ST18: variants seen among roughly 807,000 people sequenced by gnomAD.
The protein encoded by ST18 is suppression of tumorigenicity 18 protein.
A neutral mutation model predicts 110.0 loss-of-function variants in ST18; 50 were observed. The observed-to-expected ratio is 0.45, with a 90% confidence interval of 0.36 to 0.58. The LOEUF (loss-of-function observed/expected upper bound fraction) is 0.58. Ranked by LOEUF, ST18 falls within the 20% of genes least tolerant of loss-of-function variation. The probability of loss-of-function intolerance (pLI) is 0.00; values close to 1 mark genes in which losing one functional copy is unlikely to be tolerated. For synonymous variants in ST18, 461 were observed against 452.4 expected (o/e 1.02, Z -0.24); for missense variants, 1,306 against 1,280.1 (o/e 1.02, Z -0.31).
At chr8:52,125,271 A>G (rs2046557440) in intron 23 of ST18, among the ~76,000 whole-genome samples, 1 of 152,190 alleles carries the variant, frequency 6.6e-6, no homozygotes, top group South Asian at 2.1e-4. Context: ...ACCTTCCAGA[A>G]TCTCTATAAA....
intron 21 of ST18, among the ~76,000 whole-genome samples, chr8:52,132,382 A>G (rs1280701092): frequency 1.3e-5 from 2 of 152,220 alleles, no homozygotes; most frequent in East Asian, 3.8e-4. Flanking sequence ...CTGGGTAGAG[A>G]GTATTATTAT....
At chr8:52,258,525 T>A (rs2094590606) in intron 2 of ST18, among the ~76,000 whole-genome samples, 1 of 152,226 alleles carries the variant, frequency 6.6e-6, no homozygotes, top group Non-Finnish European at 1.5e-5. Context: ...TGTTTTATTC[T>A]TTTTTAAGCC....
intron 2 of ST18, among the ~76,000 whole-genome samples, chr8:52,401,322 C>T (rs7836423): frequency 0.016 from 2,469 of 152,172 alleles, 66 homozygotes; most frequent in African/African-American, 0.057. Context: ...TGGGTTGAAC[C>T]TGTTTGGAGA....
chr8:52,265,572 A>C (rs2094841809), intron 2 of ST18, among the ~76,000 whole-genome samples: 2 of 152,222 alleles, frequency 1.3e-5, no homozygotes, highest in Non-Finnish European at 2.9e-5. Flanking sequence ...AGTATGGTCT[A>C]TTCAGGAAAT....
intron 2 of ST18, among the ~76,000 whole-genome samples, chr8:52,242,211 T>C (rs189575190): frequency 6.6e-6 from 1 of 152,346 alleles, no homozygotes; most frequent in Admixed American, 6.5e-5. Flanking sequence ...AAAATAAATA[T>C]TACAGTGTGT....
At chr8:52,180,705 A>T (rs1417874872) in intron 8 of ST18, among the ~76,000 whole-genome samples, 1 of 152,180 alleles carries the variant, frequency 6.6e-6, no homozygotes, top group Non-Finnish European at 1.5e-5. Flanking sequence ...AAATCACAAG[A>T]TTTTTCAAAT....
At chr8:52,291,971 C>T (rs1055267387) in intron 2 of ST18, among the ~76,000 whole-genome samples, 3 of 152,096 alleles carry the variant, frequency 2.0e-5, no homozygotes, top group Admixed American at 6.5e-5. Context: ...GACGGGGTTT[C>T]ACCATGTTGC....
At position 52,169,959 on chromosome 8, in the gene ST18, CA is replaced by C. The variant is rs373504161; in HGVS notation, c.1069+1832del. Reference sequence around the variant, plus strand: ...ATTATATGTCCTGAATTTTTGAAAACAAAAAAAAAGAAGTTTCAAAAGCTCT... The same window carrying C: ...ATTATATGTCCTGAATTTTTGAAAACAAAAAAAAGAAGTTTCAAAAGCTCT... On this transcript the variant is annotated intron_variant, in intron 10 of 25. Coordinates refer to ENST00000689386, the MANE Select transcript of ST18 (RefSeq NM_001352837.2). 4.5e-3 allele frequency among the ~76,000 whole-genome samples: 668 copies of C among 149,838 alleles called. 5 individuals carry two copies. The highest frequency in any genetic ancestry group is 0.015 in the African/African-American group (628 of 40,898).
intron 7 of ST18, among the ~76,000 whole-genome samples, 164 bp downstream of exon 7, chr8:52,214,039 A>G (rs2083186160): frequency 6.6e-6 from 1 of 152,130 alleles, no homozygotes; most frequent in Non-Finnish European, 1.5e-5. Context: ...CGTTCATAAT[A>G]TTTTGCCTCT....
intron 22 of ST18, among the ~76,000 whole-genome samples, chr8:52,131,398 G>A (rs1297909645): frequency 1.3e-5 from 2 of 152,136 alleles, no homozygotes; most frequent in Non-Finnish European, 2.9e-5. Flanking sequence ...GACACTCGGT[G>A]GTAAAGGAAT....
At chr8:52,183,092 G>T (rs939093012) in intron 8 of ST18, among the ~76,000 whole-genome samples, 1 of 152,098 alleles carries the variant, frequency 6.6e-6, no homozygotes, top group African/African-American at 2.4e-5. Context: ...CAAAGCTCAC[G>T]TCCTCTCCTC....
intron 2 of ST18, among the ~76,000 whole-genome samples, chr8:52,377,443 T>C (rs971657101): frequency 3.3e-5 from 5 of 152,210 alleles, no homozygotes; most frequent in Non-Finnish European, 7.4e-5. Flanking sequence ...AGTGAAAAGA[T>C]AACATTTCAT....
intron 2 of ST18, among the ~76,000 whole-genome samples, chr8:52,270,613 A>G (rs1247185939): frequency 6.6e-6 from 1 of 152,222 alleles, no homozygotes; most frequent in African/African-American, 2.4e-5. Flanking sequence ...TGTAGTGATT[A>G]GTATACAATG....
rs1158213340 is a variant in ST18 at position 52,113,954 on chromosome 8, G to GTTTTTTTTTT, written c.3004-626_3004-617dup. On this transcript the variant is annotated intron_variant, in intron 25 of 25. Coordinates refer to ENST00000689386, the MANE Select transcript of ST18 (RefSeq NM_001352837.2). ...CAAAGTTTAAATTTATTCATACCGTGTTTTTTTTTTTTTTTTTTTTTTTTT... is the reference window on the plus strand; with the variant it reads ...CAAAGTTTAAATTTATTCATACCGTGTTTTTTTTTTTTTTTTTTTTTTTTTTTTTTTTTTT... Among the ~76,000 whole-genome samples the GTTTTTTTTTT allele has an allele frequency of 4.8e-3, 217 of 45,442 alleles. 79 individuals carry two copies. The highest frequency in any genetic ancestry group is 6.9e-3 in the Non-Finnish European group (184 of 26,492). 29.8% of individuals were successfully genotyped at this position (45,442 alleles called of 152,430 possible).
chr8:52,278,903 G>C (rs1052450467), intron 2 of ST18, among the ~76,000 whole-genome samples: 3 of 152,170 alleles, frequency 2.0e-5, no homozygotes, highest in Admixed American at 1.3e-4. Context: ...GTTGCCTCCT[G>C]CTGGAGGCAA....
chr8:52,286,614 A>G (rs1005157049), intron 2 of ST18, among the ~76,000 whole-genome samples: 2 of 152,018 alleles, frequency 1.3e-5, no homozygotes, highest in East Asian at 3.9e-4. Flanking sequence ...GGATATACTA[A>G]TAGGCACAGA....
chr8:52,290,898 G>C (rs1262945023), intron 2 of ST18, among the ~76,000 whole-genome samples: 1 of 152,068 alleles, frequency 6.6e-6, no homozygotes, highest in Admixed American at 6.5e-5. Flanking sequence ...TTAGGGCTTC[G>C]TACCAATCGT....
intron 2 of ST18, among the ~76,000 whole-genome samples, chr8:52,375,836 C>T (rs867075244): frequency 1.4e-5 from 2 of 146,982 alleles, no homozygotes; most frequent in Non-Finnish European, 2.9e-5. Context: ...TCACCAGCTC[C>T]CCCGCAGCTC....
At chr8:52,341,543 G>T (rs74375021) in intron 2 of ST18, among the ~76,000 whole-genome samples, 125 of 152,320 alleles carry the variant, frequency 8.2e-4, no homozygotes, top group African/African-American at 2.7e-3. Flanking sequence ...CAGATGAAGG[G>T]ATTATCCTGG....
Sources: allele counts gnomAD v4.1 joint callset (sites outside exome capture counted in the v4.1 genomes callset), GRCh38; gene constraint gnomAD v4.1.1; transcripts MANE v1.5; gene names NCBI Gene and HGNC (gene_info 2026-07-23, HGNC 2026-07-21).